Variants in PKM observed in about 807,000 individuals in gnomAD.
PKM encodes pyruvate kinase PKM.
A neutral mutation model predicts 49.8 loss-of-function variants in PKM; 18 were observed. That is an observed-to-expected ratio of 0.36 (90% confidence interval 0.25 to 0.54). The LOEUF is 0.54. Ranked by LOEUF, PKM falls within the 20% of genes least tolerant of loss-of-function variation. The pLI is 0.89. For synonymous variants in PKM, 239 were observed against 261.8 expected (o/e 0.91, Z 0.84); for missense variants, 508 against 713.8 (o/e 0.71, Z 3.28).
intron 5 of PKM, 130 bp from the exon 6 acceptor site, chr15:72,209,021 G>C (rs1251918266): frequency 1.0e-6 from 1 of 962,268 alleles, no homozygotes; most frequent in African/African-American, 1.6e-5. Flanking sequence ...TTTTACCAGA[G>C]TTGAAAACCT....
At chr15:72,210,614 GATCC>G in intron 3 of PKM, 136 bp from the exon 4 acceptor site, 1 of 956,168 alleles carries the variant, frequency 1.0e-6, no homozygotes, top group Non-Finnish European at 1.6e-6. Context: ...TCCTCAGCAC[GATCC>G]ATGCACTGAG....
Position 72,200,403 on chromosome 15 carries a change from G to C in PKM, c.1489+71C>G. On this transcript the variant is annotated intron_variant, in intron 10 of 10. Transcript: ENST00000335181. This position sits in a 1 kb window ranked among gnomAD's most constrained non-coding sequence, Gnocchi z 4.6. ...CCCTTTCTATTCCCCAAACTTTCGG[G>C]GTCCCACAGAAGCCAATGCTCAAGC... 3.4e-6 allele frequency: 5 copies of C among 1,460,868 alleles called. No individual in the cohort carries two copies. Among genetic ancestry groups the C allele is most frequent in the Non-Finnish European group, 4.8e-6 (5 of 1,045,202 alleles). 90.5% of individuals were successfully genotyped at this position (1,460,868 alleles called of 1,614,324 possible).
At chr15:72,224,600 C>T (rs958056646) in intron 1 of PKM, among the ~76,000 whole-genome samples, 17 of 152,106 alleles carry the variant, frequency 1.1e-4, no homozygotes, top group Non-Finnish European at 2.2e-4. Context: ...TGTTGGCTCA[C>T]GCCTGTAATC....
At chr15:72,218,113 TTTTTTTC>T (rs2082419724) in intron 2 of PKM, among the ~76,000 whole-genome samples, 1 of 152,026 alleles carries the variant, frequency 6.6e-6, no homozygotes, top group Admixed American at 6.6e-5. Flanking sequence ...CTTAGCGATG[TTTTTTTC>T]TTTTTTCTTC....
intron 3 of PKM, among the ~76,000 whole-genome samples, chr15:72,213,156 G>A (rs1290272582): frequency 6.6e-6 from 1 of 151,890 alleles, no homozygotes; most frequent in Non-Finnish European, 1.5e-5. Flanking sequence ...AAATCTACTT[G>A]GTCATGGATC....
intron 1 of PKM, among the ~76,000 whole-genome samples, chr15:72,227,768 A>AAC (rs1567135633): frequency 8.0e-6 from 1 of 124,372 alleles, no homozygotes; most frequent in African/African-American, 4.1e-5. Flanking sequence ...AAAAAAAAAA[A>AAC]AAAAAACAAA....
chr15:72,204,888 A>T (rs796140691), intron 8 of PKM, among the ~76,000 whole-genome samples: 14 of 152,200 alleles, frequency 9.2e-5, no homozygotes, highest in African/African-American at 3.1e-4. Context: ...GAGAGAGGGG[A>T]TGTGTGGAGA....
Position 72,206,737 on chromosome 15 carries a change from C to A in PKM, c.1131G>T (p.Met377Ile). 6.2e-7 allele frequency: 1 copy of A among 1,613,054 alleles called. No individual in the cohort carries two copies. The highest frequency in any genetic ancestry group is 8.5e-7 in the Non-Finnish European group (1 of 1,180,018). The change falls in exon 8 of 11, where the codon ATG (methionine) becomes ATT (isoleucine). Residue 377 changes from methionine (M) to isoleucine (I), a missense_variant. Physicochemically the swap from Met to Ile is conservative, Grantham distance 10 (BLOSUM62 1). Transcript: ENST00000335181. The stretch of plus-strand genomic sequence containing the variant: ...AGGCCCCAGAACTCACCAGGTGCTG[C>A]ATGCGCACAGCCTCCAGAGGATAGT... ...KGDYPLEAVRMQHLIAREAEA... is the reference protein window; with the variant it reads ...KGDYPLEAVRIQHLIAREAEA...
chr15:72,215,200 C>CA (rs35057170), intron 3 of PKM, among the ~76,000 whole-genome samples: 48 of 144,568 alleles, frequency 3.3e-4, no homozygotes, highest in East Asian at 8.0e-4. Flanking sequence ...GATTCTGTCT[C>CA]AAAAAAAAAA....
chr15:72,213,101 T>A (rs2082296410), intron 3 of PKM, among the ~76,000 whole-genome samples: 1 of 152,150 alleles, frequency 6.6e-6, no homozygotes, highest in Non-Finnish European at 1.5e-5. Flanking sequence ...AATGTCAACC[T>A]TAACTCTACT....
chr15:72,205,624 G>GCTTTTTTTTTT (rs2082053528), intron 8 of PKM, among the ~76,000 whole-genome samples: 1 of 99,740 alleles, frequency 1.0e-5, no homozygotes, highest in African/African-American at 3.6e-5. Flanking sequence ...GGGTGTTTTA[G>GCTTTTTTTTTT]TTTTTTTTTT....
At chr15:72,230,884 G>A (rs1313973184) in intron 1 of PKM, 1 of 1,276,286 alleles carries the variant, frequency 7.8e-7, no homozygotes, top group East Asian at 5.6e-5. Flanking sequence ...GGCGGGAAAG[G>A]AGCCGGCGGA....
intron 8 of PKM, chr15:72,203,244 G>A (rs184167700): frequency 2.1e-5 from 31 of 1,444,010 alleles, no homozygotes; most frequent in Admixed American, 1.8e-4. Context: ...GGAAAAAAAC[G>A]AGACACAACA....
At chr15:72,209,366 C>T (rs2082171018) in intron 5 of PKM, 1 of 145,822 alleles carries the variant, frequency 6.9e-6, no homozygotes, top group Non-Finnish European at 1.4e-5. Context: ...GAGACTCTGT[C>T]TTGAAAACAA....
intron 3 of PKM, among the ~76,000 whole-genome samples, chr15:72,215,154 T>C (rs914627843): frequency 3.3e-5 from 5 of 152,124 alleles, no homozygotes; most frequent in African/African-American, 7.2e-5. Context: ...TGAGCAGAGA[T>C]TGTGCCAGTG....
intron 1 of PKM, chr15:72,229,494 T>C (rs1281464153): frequency 2.6e-6 from 3 of 1,133,512 alleles, no homozygotes; most frequent in East Asian, 5.9e-5. Flanking sequence ...CCAGCAAAGG[T>C]CCAAGCCCTG....
At chr15:72,216,931 G>A (rs2082390862) in intron 3 of PKM, among the ~76,000 whole-genome samples, 3 of 152,212 alleles carry the variant, frequency 2.0e-5, no homozygotes, top group African/African-American at 7.2e-5. Flanking sequence ...TAGTGCTTAT[G>A]CATTAGGCTC....
chr15:72,222,155 T>TA (rs1380862595), intron 1 of PKM, among the ~76,000 whole-genome samples: 1 of 152,230 alleles, frequency 6.6e-6, no homozygotes, highest in East Asian at 1.9e-4. Context: ...CTGATGCCTA[T>TA]AAGCTCTAAT....
At chr15:72,205,572 G>A (rs1030814430) in intron 8 of PKM, among the ~76,000 whole-genome samples, 7 of 151,156 alleles carry the variant, frequency 4.6e-5, no homozygotes, top group African/African-American at 1.7e-4. Flanking sequence ...CCCAGTAACA[G>A]GATACATAGT....
Sources: gnomAD v4.1 joint callset for allele counts (sites outside exome capture counted in the v4.1 genomes callset) on GRCh38, gnomAD v4.1.1 for gene constraint, Gnocchi (gnomAD v3.1) non-coding constraint, MANE v1.5 for transcripts, NCBI Gene and HGNC (gene_info 2026-07-23, HGNC 2026-07-21) for gene names.